Variants in FLRT1 observed in about 807,000 individuals in gnomAD.
FLRT1 encodes leucine-rich repeat transmembrane protein FLRT1.
A neutral mutation model predicts 30.9 loss-of-function variants in FLRT1; 14 were observed. That is an observed-to-expected ratio of 0.45 (90% confidence interval 0.30 to 0.71). The LOEUF is 0.71. Ranked by LOEUF, FLRT1 falls within the 30% of genes least tolerant of loss-of-function variation. FLRT1 has a pLI of 0.08. For synonymous variants in FLRT1, 368 were observed against 430.4 expected, an observed-to-expected ratio of 0.85 and a Z score of 1.80; for missense variants, 737 against 949.2, an observed-to-expected ratio of 0.78 and a Z score of 2.94.
intron 1 of FLRT1, among the ~76,000 whole-genome samples, chr11:64,092,144 C>G (rs997401247): frequency 6.6e-6 from 1 of 152,220 alleles, no homozygotes. Flanking sequence ...TTAGGGTCGC[C>G]GTGGCATCCC....
At chr11:64,109,075 C>A (rs1470082922) in intron 2 of FLRT1, among the ~76,000 whole-genome samples, 1 of 152,146 alleles carries the variant, frequency 6.6e-6, no homozygotes, top group Non-Finnish European at 1.5e-5. Context: ...CCCCGCCTGG[C>A]CCTGCCTGAG....
At chr11:64,097,648 A>T (rs1590904101) in intron 1 of FLRT1, among the ~76,000 whole-genome samples, 1 of 152,330 alleles carries the variant, frequency 6.6e-6, no homozygotes, top group African/African-American at 2.4e-5. Context: ...GGAGGCTGGG[A>T]GGGTTCGCAC....
chr11:64,113,873 T>A (rs1944911839), intron 2 of FLRT1, among the ~76,000 whole-genome samples: 1 of 135,220 alleles, frequency 7.4e-6, no homozygotes. Context: ...GATTGATACA[T>A]GGATGGATGG....
intron 1 of FLRT1, among the ~76,000 whole-genome samples, chr11:64,089,598 G>A (rs1332828290): frequency 1.3e-5 from 2 of 152,222 alleles, no homozygotes; most frequent in Non-Finnish European, 2.9e-5. Flanking sequence ...TGAAAACTTG[G>A]GGAGACTGTT....
chr11:64,072,158 G>T (rs1307087728), intron 1 of FLRT1, among the ~76,000 whole-genome samples: 2 of 152,220 alleles, frequency 1.3e-5, no homozygotes, highest in Admixed American at 1.3e-4. Context: ...AGTGGGAGCT[G>T]TGGCTGGGCC....
At chr11:64,043,845 C>T (rs1943534965) in intron 1 of FLRT1, among the ~76,000 whole-genome samples, 1 of 148,190 alleles carries the variant, frequency 6.7e-6, no homozygotes, top group African/African-American at 2.5e-5. Flanking sequence ...GAGTTTCGCT[C>T]TTGTTGCCCA....
At chr11:64,048,635 C>T (rs1370899303) in intron 1 of FLRT1, among the ~76,000 whole-genome samples, 2 of 152,228 alleles carry the variant, frequency 1.3e-5, no homozygotes, top group Non-Finnish European at 2.9e-5. Flanking sequence ...TGCCGCTAAG[C>T]ACTTTATGCG....
Position 64,099,997 on chromosome 11 carries a change from C to T in FLRT1, c.-1037-3197C>T, listed in dbSNP as rs373074040. On this transcript the variant is annotated intron_variant, in intron 1 of 2. Coordinates refer to ENST00000682287, the MANE Select transcript of FLRT1 (RefSeq NM_013280.5). The stretch of plus-strand genomic sequence containing the variant: ...AGTGTTTGGTGGATGGTCCGTTTCT[C>T]TTGCGCTGTCTTGGAGTAGTGCAGC... Among the ~76,000 whole-genome samples, 16 of 152,280 alleles carry T rather than the reference C, an allele frequency of 1.1e-4. No homozygotes were observed. In the East Asian group the frequency reaches 2.9e-3, roughly 28 times the overall value.
intron 1 of FLRT1, among the ~76,000 whole-genome samples, chr11:64,058,715 G>A (rs2845566): frequency 0.025 from 3,744 of 152,326 alleles, 150 homozygotes; most frequent in African/African-American, 0.084. Flanking sequence ...CCTGGCCAGC[G>A]ATGCCAATTA....
chr11:64,037,480 C>T (rs1050716463), intron 1 of FLRT1, among the ~76,000 whole-genome samples: 1 of 152,198 alleles, frequency 6.6e-6, no homozygotes, highest in Non-Finnish European at 1.5e-5. Flanking sequence ...CTGTTCAGGG[C>T]TTCCTCAGAA....
chr11:64,076,256 C>G (rs1944198322), intron 1 of FLRT1, among the ~76,000 whole-genome samples: 2 of 152,208 alleles, frequency 1.3e-5, no homozygotes, highest in African/African-American at 2.4e-5. Context: ...CCAGCCCTCA[C>G]CAGGTGCCCC....
chr11:64,073,865 T>C (rs912024020), intron 1 of FLRT1, among the ~76,000 whole-genome samples: 2 of 151,908 alleles, frequency 1.3e-5, no homozygotes, highest in African/African-American at 2.4e-5. Context: ...AGAGATGCAG[T>C]TGGGGACCCG....
chr11:64,114,791 A>G (rs1944945994), intron 2 of FLRT1, among the ~76,000 whole-genome samples: 1 of 152,108 alleles, frequency 6.6e-6, no homozygotes. Flanking sequence ...AGGTGGATGG[A>G]TGGTAGGTGG....
intron 1 of FLRT1, among the ~76,000 whole-genome samples, chr11:64,056,499 C>T (rs1010023575): frequency 7.2e-5 from 11 of 152,196 alleles, no homozygotes; most frequent in African/African-American, 2.2e-4. Context: ...AGAAGACAGA[C>T]GGACGGAGAG....
chr11:64,085,819 C>G (rs1944383896), intron 1 of FLRT1, among the ~76,000 whole-genome samples: 2 of 152,332 alleles, frequency 1.3e-5, no homozygotes, highest in African/African-American at 4.8e-5. Flanking sequence ...CGGGGAATAA[C>G]AGCATCCCCA....
At position 64,036,428 on chromosome 11, in the gene FLRT1, G is replaced by T. The variant is rs1351032603; in HGVS notation, c.-1038+269G>T. On this transcript the variant is annotated intron_variant, in intron 1 of 2. Transcript: ENST00000682287. The surrounding 1 kb of genome is among the most constrained non-coding windows in gnomAD (Gnocchi z 5.6). ...GCGCGGCCGGCGGCTCAGCTCTCCC[G>T]AGCCGAGGCTGGAAAGGGCGGGGGC... 6.6e-6 allele frequency among the ~76,000 whole-genome samples: 1 copy of T among 152,158 alleles called. No homozygotes were observed.
chr11:64,108,026 C>T (rs1163756427), intron 2 of FLRT1, among the ~76,000 whole-genome samples: 2 of 152,090 alleles, frequency 1.3e-5, no homozygotes, highest in African/African-American at 2.4e-5. Flanking sequence ...GGAAGTAGAT[C>T]GTTTATGGTC....
intron 1 of FLRT1, among the ~76,000 whole-genome samples, chr11:64,072,097 G>A (rs1944119605): frequency 6.6e-6 from 1 of 152,242 alleles, no homozygotes; most frequent in Non-Finnish European, 1.5e-5. Flanking sequence ...ATCGACTGCT[G>A]AACTCATAAC....
chr11:64,107,171 T>C (rs1944777235), intron 2 of FLRT1, among the ~76,000 whole-genome samples: 1 of 152,196 alleles, frequency 6.6e-6, no homozygotes, highest in Non-Finnish European at 1.5e-5. Flanking sequence ...ATGAGCCAAC[T>C]TGCCCAGCCC....
Sources: gnomAD v4.1 joint callset for allele counts (sites outside exome capture counted in the v4.1 genomes callset) on GRCh38, gnomAD v4.1.1 for gene constraint, Gnocchi (gnomAD v3.1) non-coding constraint, MANE v1.5 for transcripts, NCBI Gene and HGNC (gene_info 2026-07-23, HGNC 2026-07-21) for gene names.